Variants in FBN1 observed in about 807,000 individuals in gnomAD.
The protein encoded by FBN1 is fibrillin 1.
Under a neutral mutation model 365.1 loss-of-function variants are expected in FBN1, and 29 were observed. That is an observed-to-expected ratio of 0.08 (90% confidence interval 0.06 to 0.11). The LOEUF is 0.11. Ranked by LOEUF, FBN1 falls within the 10% of genes least tolerant of loss-of-function variation. The probability of loss-of-function intolerance (pLI) is 1.00; values close to 1 mark genes in which losing one functional copy is unlikely to be tolerated. For synonymous variants in FBN1, 1,210 were observed against 1,270.5 expected, an observed-to-expected ratio of 0.95 and a Z score of 1.01; for missense variants, 2,476 against 3,703.2, an observed-to-expected ratio of 0.67 and a Z score of 8.60.
chr15:48,506,548 G>A (rs898554859), intron 15 of FBN1, among the ~76,000 whole-genome samples: 6 of 152,196 alleles, frequency 3.9e-5, no homozygotes, highest in African/African-American at 1.4e-4. Context: ...GTAACACAAA[G>A]GGTTTTTAAT....
chr15:48,445,549 T>C, intron 47 of FBN1, 45 bp from the exon 48 acceptor site: 1 of 1,598,914 alleles, frequency 6.3e-7, no homozygotes, highest in Non-Finnish European at 8.6e-7. Flanking sequence ...TCCAAAGATG[T>C]CATAATCCCA....
intron 50 of FBN1, among the ~76,000 whole-genome samples, chr15:48,440,470 GGGAGTA>G (rs1290778584): frequency 6.6e-6 from 1 of 152,156 alleles, no homozygotes; most frequent in Non-Finnish European, 1.5e-5. Context: ...ACAAAAACAA[GGGAGTA>G]GGAGTTAGAA....
rs148060617 is a variant in FBN1, at chr15:48,433,196, C to T, written c.6617-208G>A. ...GTATAAACAGAGTGACTCTCCATCC[C>T]GGTTCTCCCAGCACAGTCCCAGTTT... is the stretch of plus-strand genomic sequence containing the variant. On this transcript the variant is annotated intron_variant, in intron 54 of 65. Transcript: ENST00000316623. Among the ~76,000 whole-genome samples, 126 of 152,210 alleles carry T rather than the reference C, an allele frequency of 8.3e-4. 1 individual carries two copies. The highest frequency in any genetic ancestry group is 3.0e-3 in the African/African-American group (125 of 41,546).
At chr15:48,627,724 C>T (rs1055375132) in intron 2 of FBN1, among the ~76,000 whole-genome samples, 3 of 152,212 alleles carry the variant, frequency 2.0e-5, no homozygotes, top group African/African-American at 7.2e-5. Flanking sequence ...TGGTGACTGT[C>T]CTCATTCCAA....
chr15:48,587,966 C>CCCTCT (rs1482321713), intron 6 of FBN1, among the ~76,000 whole-genome samples: 3 of 151,992 alleles, frequency 2.0e-5, no homozygotes, highest in Non-Finnish European at 4.4e-5. Context: ...ATCAATGCAG[C>CCCTCT]CTCTCTTTGA....
chr15:48,502,299 G>A (rs2043667448), intron 17 of FBN1, among the ~76,000 whole-genome samples: 1 of 152,140 alleles, frequency 6.6e-6, no homozygotes, highest in African/African-American at 2.4e-5. Context: ...ACCTGCCTTG[G>A]CCTCCCATAG....
chr15:48,555,537 A>G (rs2044172794), intron 6 of FBN1, among the ~76,000 whole-genome samples: 1 of 152,066 alleles, frequency 6.6e-6, no homozygotes, highest in African/African-American at 2.4e-5. Flanking sequence ...CTGAGCTCCT[A>G]TGGTGTATTG....
Position 48,489,984 on chromosome 15 carries a change from G to T in FBN1, c.2949C>A (p.Ser983=), listed in dbSNP as rs769307676. 4 of 1,614,102 alleles carry T rather than the reference G, an allele frequency of 2.5e-6. No individual in the cohort carries two copies. Among genetic ancestry groups the T allele is most frequent in the Non-Finnish European group, 3.4e-6 (4 of 1,180,030 alleles). The change falls in exon 25 of 66, where the codon TCC becomes TCA. Residue 983 remains serine, a synonymous_variant. Coordinates refer to ENST00000316623, the MANE Select transcript of FBN1 (RefSeq NM_000138.5). The part of the protein sequence containing the change: ...GRHRMDACCC[S]VGAAWGTEEC... ...CCTCAGTACCCCAGGCTGCCCCGAC[G>T]GAGCAGCAGCAGGCGTCCATGCGGT...
intron 6 of FBN1, among the ~76,000 whole-genome samples, chr15:48,573,976 G>C (rs541223673): frequency 3.3e-5 from 5 of 152,330 alleles, no homozygotes; most frequent in African/African-American, 1.2e-4. Context: ...CTGGCTGAGG[G>C]TTAGGCCTCT....
At chr15:48,426,784 C>A (rs1228222695) in intron 58 of FBN1, among the ~76,000 whole-genome samples, 3 of 152,122 alleles carry the variant, frequency 2.0e-5, no homozygotes, top group Admixed American at 2.0e-4. Context: ...TCCAAAGAAT[C>A]ATAAATTGCT....
chr15:48,520,822 G>A lies in FBN1; in HGVS notation c.989-5C>T. 2 of 1,614,038 alleles carry A rather than the reference G, an allele frequency of 1.2e-6. No homozygotes were observed. Among genetic ancestry groups the A allele is most frequent in the Non-Finnish European group, 1.7e-6 (2 of 1,179,998 alleles). On this transcript the variant is annotated splice_region_variant and splice_polypyrimidine_tract_variant and intron_variant, in intron 9 of 65. Coordinates refer to ENST00000316623, the MANE Select transcript of FBN1 (RefSeq NM_000138.5). ...AACAGTATCCTGGGCGAACATCTGA[G>A]GACAAAGAAACACATACACACACAC...
rs756124960 is a variant in FBN1 at position 48,412,592 on chromosome 15, C to T, written c.8203G>A (p.Glu2735Lys). The T allele has an allele frequency of 7.4e-6, 12 of 1,614,020 alleles. No individual in the cohort carries two copies. Among genetic ancestry groups the T allele is most frequent in the African/African-American group, 4.0e-5 (3 of 74,928 alleles). The change falls in exon 65 of 66, where the codon GAA becomes AAA. Residue 2735 changes from glutamate (E) to lysine (K), a missense_variant. Coordinates refer to ENST00000316623, the MANE Select transcript of FBN1 (RefSeq NM_000138.5). ...KRGRKRRSTNETDASNIEDQS... is the reference protein window; with the variant it reads ...KRGRKRRSTNKTDASNIEDQS... Reference sequence around the variant, plus strand: ...ACCTCGATATTGGAGGCATCAGTTTCGTTTGTGCTTCTCCGTTTCCTGCCC... The same window carrying T: ...ACCTCGATATTGGAGGCATCAGTTTTGTTTGTGCTTCTCCGTTTCCTGCCC...
intron 4 of FBN1, among the ~76,000 whole-genome samples, chr15:48,608,257 T>A: frequency 6.6e-6 from 1 of 152,226 alleles, no homozygotes; most frequent in African/African-American, 2.4e-5. Flanking sequence ...TCCCACGACT[T>A]GCCTAGACCT....
chr15:48,420,664 G>C (rs2042933165), intron 63 of FBN1, 23 bp downstream of exon 63: 6 of 1,613,682 alleles, frequency 3.7e-6, no homozygotes, highest in Non-Finnish European at 5.1e-6. Context: ...CATGCATCTT[G>C]AGAGTGAGGA....
chr15:48,477,787 T>C (rs564440285), intron 32 of FBN1, among the ~76,000 whole-genome samples: 1 of 152,346 alleles, frequency 6.6e-6, no homozygotes, highest in East Asian at 1.9e-4. Context: ...AAGAATAGCA[T>C]AAGCCAAGAA....
chr15:48,515,545 C>T lies in FBN1; in HGVS notation c.1328-18G>A. 1.2e-6 allele frequency: 2 copies of T among 1,613,628 alleles called. No homozygotes were observed. The highest frequency in any genetic ancestry group is 1.1e-5 in the South Asian group (1 of 91,066). ...CAGCACCCCTAGAAGAACATTAAGC[C>T]CCATTAAAATTATTTTAACTATGGT... On this transcript the variant is annotated intron_variant, in intron 11 of 65. Coordinates refer to ENST00000316623, the MANE Select transcript of FBN1 (RefSeq NM_000138.5).
chr15:48,485,296 G>C (rs2043495714), intron 30 of FBN1, 78 bp downstream of exon 30: 8 of 1,600,866 alleles, frequency 5.0e-6, no homozygotes, highest in Non-Finnish European at 6.8e-6. Context: ...AAGCCTGCTT[G>C]ACTCCAAAGC....
Position 48,492,604 on chromosome 15 carries a change from G to A in FBN1, c.2729-18C>T. 2 of 1,503,816 alleles carry A rather than the reference G, an allele frequency of 1.3e-6. No homozygotes were observed. The highest frequency in any genetic ancestry group is 1.2e-5 in the South Asian group (1 of 86,712). The allele number at this position is 1,503,816 out of a possible 1,614,324, so 93.2% of individuals were successfully genotyped here. A position where few individuals can be genotyped will look rare whatever the true frequency, so the allele number is the denominator to read the frequency against. On this transcript the variant is annotated intron_variant, in intron 23 of 65. Transcript: ENST00000316623. ...ATCTATATCTAAAAAGAAAAAAAAA[G>A]TATAAAGTTAATATATCTTTATAAT...
intron 2 of FBN1, among the ~76,000 whole-genome samples, chr15:48,634,862 CACACACA>C (rs1566942976): frequency 8.6e-4 from 51 of 59,504 alleles, no homozygotes; most frequent in African/African-American, 5.5e-3. Flanking sequence ...AAAAACCACA[CACACACA>C]CACACACACA....
Sources: allele counts gnomAD v4.1 joint callset (sites outside exome capture counted in the v4.1 genomes callset), GRCh38; gene constraint gnomAD v4.1.1; transcripts MANE v1.5; gene names NCBI Gene and HGNC (gene_info 2026-07-23, HGNC 2026-07-21).